EYS: variants seen among roughly 807,000 people sequenced by gnomAD.
EYS encodes the protein EGF-like photoreceptor maintenance factor.
A neutral mutation model predicts 282.1 loss-of-function variants in EYS; 250 were observed. That is an observed-to-expected ratio of 0.89 (90% CI 0.80 to 0.98). EYS has a LOEUF of 0.98. EYS is among the 50% of genes least tolerant of loss of function. The probability of loss-of-function intolerance (pLI) is 0.00; values close to 1 mark genes in which losing one functional copy is unlikely to be tolerated. For synonymous variants in EYS, 1,355 were observed against 1,282.9 expected (o/e 1.06, Z -1.20); for missense variants, 4,016 against 3,709.0 (o/e 1.08, Z -2.15).
Position 65,495,378 on chromosome 6 carries a change from C to T in EYS, c.33G>A (p.Leu11=). Residue 11 remains leucine (L), a synonymous_variant, in exon 4 of 43, where the codon CTG becomes CTA. Transcript: ENST00000503581. ...TTATGAAAGAGCTGTGAAAAACCAT[C>T]AGGCTCAGAATGACGATTGATTTGT... The part of the protein sequence containing the change: MTDKSIVILS[L]MVFHSSFING... 1 of 1,612,670 alleles carries T rather than the reference C, an allele frequency of 6.2e-7. No individual in the cohort carries two copies. Among genetic ancestry groups the T allele is most frequent in the Non-Finnish European group, 8.5e-7 (1 of 1,180,008 alleles).
chr6:65,406,301 T>G (rs1169258362), intron 5 of EYS, among the ~76,000 whole-genome samples: 1 of 152,110 alleles, frequency 6.6e-6, no homozygotes, highest in Admixed American at 6.6e-5. Flanking sequence ...ATTTTTTGAG[T>G]GAGTTCTTTG....
chr6:64,517,563 C>G (rs144619743), intron 26 of EYS, among the ~76,000 whole-genome samples: 2 of 151,684 alleles, frequency 1.3e-5, no homozygotes, highest in Non-Finnish European at 2.9e-5. Context: ...GGAGAACAAG[C>G]GGACAAGAGC....
chr6:64,948,582 T>C (rs371905764), intron 14 of EYS, among the ~76,000 whole-genome samples: 1 of 146,584 alleles, frequency 6.8e-6, no homozygotes, highest in African/African-American at 2.5e-5. Flanking sequence ...ATATTAAATA[T>C]TAAGTAATTA....
At chr6:64,795,239 A>C (rs1774319128) in intron 22 of EYS, among the ~76,000 whole-genome samples, 4 of 151,800 alleles carry the variant, frequency 2.6e-5, no homozygotes, top group African/African-American at 9.7e-5. Flanking sequence ...CCGTCTCAAA[A>C]AAAAAAAAAA....
intron 15 of EYS, among the ~76,000 whole-genome samples, chr6:64,945,547 G>A (rs559223448): frequency 2.0e-5 from 3 of 152,160 alleles, no homozygotes; most frequent in African/African-American, 7.2e-5. Context: ...AAATGCATTT[G>A]TATCATTACC....
intron 26 of EYS, among the ~76,000 whole-genome samples, chr6:64,502,457 G>A (rs1777083282): frequency 1.3e-5 from 2 of 152,050 alleles, no homozygotes; most frequent in South Asian, 2.1e-4. Flanking sequence ...TCCTGACCTC[G>A]TGATCCGCCC....
chr6:65,288,765 T>C (rs1323115496), intron 12 of EYS, among the ~76,000 whole-genome samples: 1 of 151,280 alleles, frequency 6.6e-6, no homozygotes, highest in Non-Finnish European at 1.5e-5. Context: ...TTTAAAGATA[T>C]ATGGAATAAT....
chr6:64,792,353 T>A (rs912174205), intron 22 of EYS, among the ~76,000 whole-genome samples: 4 of 151,796 alleles, frequency 2.6e-5, no homozygotes, highest in African/African-American at 9.7e-5. Flanking sequence ...CAGGAAATAT[T>A]TTTTTAGACA....
At chr6:64,393,342 A>G (rs1561968836) in intron 28 of EYS, among the ~76,000 whole-genome samples, 1 of 152,244 alleles carries the variant, frequency 6.6e-6, no homozygotes, top group African/African-American at 2.4e-5. Context: ...AGAGAATTTT[A>G]GACCAATATC....
At chr6:65,627,745 G>T (rs548796847) in intron 2 of EYS, among the ~76,000 whole-genome samples, 1 of 152,202 alleles carries the variant, frequency 6.6e-6, no homozygotes, top group African/African-American at 2.4e-5. Flanking sequence ...CCGATGCTGC[G>T]CTCGATTTCT....
chr6:64,244,149 G>A (rs1766928624), intron 30 of EYS, among the ~76,000 whole-genome samples: 1 of 151,942 alleles, frequency 6.6e-6, no homozygotes, highest in Non-Finnish European at 1.5e-5. Flanking sequence ...TTATATATCT[G>A]GTATAGAATT....
chr6:64,782,637 CTTCAT>C (rs1475596465), intron 22 of EYS, among the ~76,000 whole-genome samples: 1 of 152,094 alleles, frequency 6.6e-6, no homozygotes, highest in African/African-American at 2.4e-5. Flanking sequence ...GATTACTTTT[CTTCAT>C]TTCAAGTTTA....
In EYS at chr6:65,490,803, G is replaced by A; in HGVS notation, c.749-96C>T. 3 of 721,318 alleles carry A rather than the reference G, an allele frequency of 4.2e-6. No homozygotes were observed. The South Asian group carries it at 4.7e-5, about 11-fold the overall frequency. 44.7% of individuals were successfully genotyped at this position (721,318 alleles called of 1,614,324 possible). On this transcript the variant is annotated intron_variant, in intron 4 of 42. Transcript: ENST00000503581. The stretch of plus-strand genomic sequence containing the variant: ...TTTAATAATGAAAATATCAAATTCT[G>A]ACTAATGTAATTTCAGTTATGAAAC...
chr6:65,500,552 A>T (rs932529317), intron 2 of EYS, among the ~76,000 whole-genome samples: 1 of 151,898 alleles, frequency 6.6e-6, no homozygotes, highest in Non-Finnish European at 1.5e-5. Flanking sequence ...CTTTGAAAAA[A>T]TTGTCTATGG....
chr6:63,864,463 A>T, intron 35 of EYS, 105 bp from the exon 36 acceptor site: 1 of 743,742 alleles, frequency 1.3e-6, no homozygotes, highest in Non-Finnish European at 2.0e-6. Flanking sequence ...TAAAATTATA[A>T]TTGCATCTTT....
chr6:63,950,544 T>C (rs567862148), intron 35 of EYS, among the ~76,000 whole-genome samples: 62 of 152,180 alleles, frequency 4.1e-4, no homozygotes, highest in Non-Finnish European at 7.6e-4. Flanking sequence ...AAAGCTTTAT[T>C]GCTCACACAA....
intron 2 of EYS, among the ~76,000 whole-genome samples, chr6:65,600,024 C>T (rs17699558): frequency 0.36 from 54,103 of 151,936 alleles, 12,071 homozygotes; most frequent in Non-Finnish European, 0.49. Context: ...TAAAAGTGAT[C>T]ATGTGATCAA....
intron 26 of EYS, among the ~76,000 whole-genome samples, chr6:64,471,883 A>C (rs1045777744): frequency 2.6e-5 from 4 of 152,208 alleles, no homozygotes; most frequent in African/African-American, 7.2e-5. Flanking sequence ...AGAAGACATA[A>C]GTTCTAGTCT....
intron 2 of EYS, among the ~76,000 whole-genome samples, chr6:65,534,026 C>G (rs1347181617): frequency 6.6e-6 from 1 of 151,754 alleles, no homozygotes; most frequent in East Asian, 1.9e-4. Flanking sequence ...GCTCATACTT[C>G]TTGTACTTGG....
Sources: allele counts gnomAD v4.1 joint callset (sites outside exome capture counted in the v4.1 genomes callset), GRCh38; gene constraint gnomAD v4.1.1; transcripts MANE v1.5; gene names NCBI Gene and HGNC (gene_info 2026-07-23, HGNC 2026-07-21).